The following RBFOX3 variants were observed in gnomAD, a reference collection of about 807,000 sequenced individuals.
RBFOX3 encodes the protein RNA binding fox-1 homolog 3.
RBFOX3 carries 17 observed loss-of-function variants against 48.7 expected under a neutral mutation model. The observed-to-expected ratio is 0.35, with a 90% CI of 0.24 to 0.52. The LOEUF (loss-of-function observed/expected upper bound fraction) is 0.52, where lower values mean the gene tolerates loss of function less well. Ranked by LOEUF, RBFOX3 falls within the 20% of genes least tolerant of loss-of-function variation. The pLI, the probability that RBFOX3 is intolerant of heterozygous loss-of-function variation, is 0.94. For missense variants in RBFOX3, 382 were observed against 497.5 expected (o/e 0.77, Z 2.21); for synonymous variants, 212 against 209.5 (o/e 1.01, Z -0.10).
At chr17:79,496,965 G>A (rs995187922) in intron 1 of RBFOX3, among the ~76,000 whole-genome samples, 2 of 152,088 alleles carry the variant, frequency 1.3e-5, no homozygotes, top group Non-Finnish European at 2.9e-5. Context: ...TGCCTGCCTC[G>A]GGACCCCTGT....
chr17:79,629,088 G>A, the RBFOX3 span, among the ~76,000 whole-genome samples: 25 of 152,344 alleles, frequency 1.6e-4, no homozygotes, highest in African/African-American at 5.8e-4. Flanking sequence ...CCACAGGCAC[G>A]AGCAAGATGC....
intron 3 of RBFOX3, among the ~76,000 whole-genome samples, chr17:79,273,575 G>GA (rs1266808178): frequency 7.1e-6 from 1 of 141,794 alleles, no homozygotes; most frequent in Non-Finnish European, 1.5e-5. Flanking sequence ...CTCTGGGGGG[G>GA]GCGGGGGCGG....
chr17:79,369,117 C>T (rs958939518), intron 2 of RBFOX3, among the ~76,000 whole-genome samples: 1 of 152,178 alleles, frequency 6.6e-6, no homozygotes, highest in Non-Finnish European at 1.5e-5. Flanking sequence ...TCTCACTGCG[C>T]CCAGTGCAGC....
At chr17:79,349,133 G>A (rs1192690290) in intron 2 of RBFOX3, among the ~76,000 whole-genome samples, 1 of 151,772 alleles carries the variant, frequency 6.6e-6, no homozygotes, top group Non-Finnish European at 1.5e-5. Context: ...CCCACGCCTG[G>A]CGCTCCATCA....
At chr17:79,383,344 A>G (rs1484148479) in intron 2 of RBFOX3, among the ~76,000 whole-genome samples, 1 of 152,218 alleles carries the variant, frequency 6.6e-6, no homozygotes, top group Non-Finnish European at 1.5e-5. Flanking sequence ...GCGGCCCAAG[A>G]AGGTGCAAAG....
the RBFOX3 span, among the ~76,000 whole-genome samples, chr17:79,630,773 T>C: frequency 3.9e-5 from 6 of 152,210 alleles, no homozygotes; most frequent in African/African-American, 1.4e-4. Context: ...ACCTAACGTG[T>C]ATTTTCTCGT....
intron 2 of RBFOX3, among the ~76,000 whole-genome samples, chr17:79,458,065 G>C (rs930731922): frequency 6.6e-6 from 1 of 151,332 alleles, no homozygotes; most frequent in African/African-American, 2.4e-5. Flanking sequence ...TTTGCAGGGC[G>C]GGGGACCCGG....
chr17:79,156,427 C>T (rs2045817426), intron 4 of RBFOX3, among the ~76,000 whole-genome samples: 1 of 152,132 alleles, frequency 6.6e-6, no homozygotes, highest in South Asian at 2.1e-4. Context: ...GGCCTGGCAG[C>T]CCCACACACT....
the RBFOX3 span, among the ~76,000 whole-genome samples, chr17:79,660,441 C>A: frequency 3.3e-5 from 5 of 152,102 alleles, no homozygotes; most frequent in Non-Finnish European, 7.3e-5. Context: ...GGAACTTAAA[C>A]ACATTTACAA....
intron 1 of RBFOX3, among the ~76,000 whole-genome samples, chr17:79,584,488 G>A (rs1231749795): frequency 7.2e-5 from 11 of 152,096 alleles, no homozygotes; most frequent in African/African-American, 2.7e-4. Flanking sequence ...ATGGAACCAG[G>A]CCAAATGCCC....
rs1012440505 is a variant in RBFOX3 at position 79,495,098 on chromosome 17, A to G, written c.-319-12500T>C. Reference sequence around the variant, plus strand: ...CTTCCCCAGGTGTTGTGCCCCGTTAAGGGTCGAAGCCCCCTCCTCACAGCC... The same window carrying G: ...CTTCCCCAGGTGTTGTGCCCCGTTAGGGGTCGAAGCCCCCTCCTCACAGCC... On this transcript the variant is annotated intron_variant, in intron 1 of 14. Coordinates refer to ENST00000693108, the MANE Select transcript of RBFOX3 (RefSeq NM_001350451.2). Among the ~76,000 whole-genome samples, 123 of 152,042 alleles carry G rather than the reference A, an allele frequency of 8.1e-4. 1 individual carries two copies. In the East Asian group the frequency reaches 0.023, roughly 28 times the overall value.
Position 79,199,898 on chromosome 17 carries a change from C to T in RBFOX3, c.-34+35868G>A, listed in dbSNP as rs142965494. 1.7e-3 allele frequency among the ~76,000 whole-genome samples: 261 copies of T among 152,248 alleles called. 6 individuals are homozygous for T. In the East Asian group the frequency reaches 0.041, roughly 24 times the overall value. On this transcript the variant is annotated intron_variant, in intron 4 of 14. Transcript: ENST00000693108. The surrounding 1 kb of genome is among the most constrained non-coding windows in gnomAD (Gnocchi z 5.1). The stretch of plus-strand genomic sequence containing the variant: ...GAAAAGGGCCGGACGTGGTGGCTCA[C>T]GCCTGTAATCCCAGCACTTTGGGAG...
intron 4 of RBFOX3, among the ~76,000 whole-genome samples, chr17:79,223,605 T>C (rs1252534113): frequency 6.6e-6 from 1 of 152,128 alleles, no homozygotes; most frequent in Non-Finnish European, 1.5e-5. Flanking sequence ...CCCACAGCCC[T>C]CAGGCCAGTG....
At chr17:79,288,190 T>A (rs1392053430) in intron 3 of RBFOX3, among the ~76,000 whole-genome samples, 1 of 151,962 alleles carries the variant, frequency 6.6e-6, no homozygotes, top group Non-Finnish European at 1.5e-5. Context: ...CGACAAATCA[T>A]ACCACTTGCT....
intron 1 of RBFOX3, among the ~76,000 whole-genome samples, chr17:79,570,289 A>G (rs2092626519): frequency 6.6e-6 from 1 of 152,104 alleles, no homozygotes; most frequent in Non-Finnish European, 1.5e-5. Context: ...GATGGATAGT[A>G]GAGAAGGAAT....
rs529653568 is a variant in RBFOX3 at position 79,359,600 on chromosome 17, G to GAGAAA, written c.-174-51781_-174-51777dup. ...TTAGCAGACACTCCTTGGAAGAGAA[G>GAGAAA]AGAAAATCACCCACCTCTCCACCCC... On this transcript the variant is annotated intron_variant, in intron 2 of 14. Transcript: ENST00000693108. Among the ~76,000 whole-genome samples, 34 of 152,244 alleles carry GAGAAA rather than the reference G, an allele frequency of 2.2e-4. No homozygotes were observed. The South Asian group carries it at 7.1e-3, about 32-fold the overall frequency.
chr17:79,097,631 C>T (rs2075622070), intron 10 of RBFOX3, 61 bp downstream of exon 10: 1 of 1,417,610 alleles, frequency 7.1e-7, no homozygotes, highest in Non-Finnish European at 9.7e-7. Context: ...CCAGAGCCCC[C>T]GGAGCCCCAC....
At chr17:79,295,836 G>T (rs1351109858) in intron 3 of RBFOX3, among the ~76,000 whole-genome samples, 1 of 152,126 alleles carries the variant, frequency 6.6e-6, no homozygotes, top group African/African-American at 2.4e-5. Flanking sequence ...AAGGGTGAGG[G>T]CAGCATTGGG....
At chr17:79,226,713 T>G (rs1567875005) in intron 4 of RBFOX3, among the ~76,000 whole-genome samples, 1 of 152,322 alleles carries the variant, frequency 6.6e-6, no homozygotes, top group East Asian at 1.9e-4. Context: ...GATGGCAACA[T>G]CTACCTTCCT....
Sources: gnomAD v4.1 joint callset for allele counts (sites outside exome capture counted in the v4.1 genomes callset) on GRCh38, gnomAD v4.1.1 for gene constraint, Gnocchi (gnomAD v3.1) non-coding constraint, MANE v1.5 for transcripts, NCBI Gene and HGNC (gene_info 2026-07-23, HGNC 2026-07-21) for gene names.